The following GLS2 variants were observed in gnomAD, a reference collection of about 807,000 sequenced individuals.
The protein encoded by GLS2 is glutaminase liver isoform, mitochondrial.
GLS2 carries 52 observed loss-of-function variants against 79.0 expected under a neutral mutation model. The observed-to-expected ratio is 0.66, with a 90% confidence interval of 0.53 to 0.83. The LOEUF (loss-of-function observed/expected upper bound fraction) is 0.83, where lower values mean the gene tolerates loss of function less well. Ranked by LOEUF, GLS2 falls within the 40% of genes least tolerant of loss-of-function variation. The pLI is 0.00. For synonymous variants in GLS2, 238 were observed against 280.8 expected (o/e 0.85, Z 1.52); for missense variants, 561 against 764.8 (o/e 0.73, Z 3.14).
At position 56,471,429 on chromosome 12, in the gene GLS2, A is replaced by C; in HGVS notation, c.*58T>G. On this transcript the variant is annotated 3_prime_UTR_variant, in exon 18 of 18. Transcript: ENST00000311966. ...TCCATAGTATTTTTGGTGGTTATGG[A>C]TTACATGTGTGGCCAGCTCATGCTT... is the stretch of plus-strand genomic sequence containing the variant. 6.5e-7 allele frequency: 1 copy of C among 1,540,448 alleles called. No individual in the cohort carries two copies.
chr12:56,480,024 G>T, intron 2 of GLS2, 123 bp from the exon 3 acceptor site: 2 of 1,310,342 alleles, frequency 1.5e-6, no homozygotes. Flanking sequence ...GAACAAATGG[G>T]TTTGGAGAAT....
chr12:56,477,845 G>T, intron 6 of GLS2, 88 bp downstream of exon 6: 2 of 1,547,194 alleles, frequency 1.3e-6, no homozygotes, highest in African/African-American at 1.4e-5. Context: ...ATCAGGAAGG[G>T]CAGAGAAACA....
At chr12:56,481,877 G>A (rs1183405267) in intron 1 of GLS2, among the ~76,000 whole-genome samples, 1 of 149,442 alleles carries the variant, frequency 6.7e-6, no homozygotes, top group East Asian at 2.0e-4. Context: ...GGCAAAAAGA[G>A]CAAAACTCCA....
intron 3 of GLS2, 58 bp from the exon 4 acceptor site, chr12:56,479,239 T>TCC: frequency 6.3e-7 from 1 of 1,589,876 alleles, no homozygotes; most frequent in East Asian, 2.2e-5. Flanking sequence ...GGACTCACTC[T>TCC]GGAGCCACGG....
chr12:56,477,527 C>G (rs1592277551), intron 7 of GLS2, 133 bp downstream of exon 7: 2 of 838,662 alleles, frequency 2.4e-6, no homozygotes, highest in Non-Finnish European at 3.8e-6. Flanking sequence ...TGCTGTGCCT[C>G]ATGTGCCTTC....
rs1354895965 is a variant in GLS2 at position 56,471,446 on chromosome 12, C to G, written c.*41G>C. 2 of 1,576,268 alleles carry G rather than the reference C, an allele frequency of 1.3e-6. No homozygotes were observed. The highest frequency in any genetic ancestry group is 2.7e-5 in the African/African-American group (2 of 73,958). ...GGTTATGGATTACATGTGTGGCCAG[C>G]TCATGCTTTTTCTTGAGCAGGGGCT... On this transcript the variant is annotated 3_prime_UTR_variant, in exon 18 of 18. Transcript: ENST00000311966.
chr12:56,474,675 C>A lies in GLS2; in HGVS notation c.1093G>T (p.Ala365Ser), dbSNP rs777690858. ...VTCESGSVMA[A>S]TLANGGICPI... is the part of the protein sequence containing the mutation. ...CAGATCCCACCGTTGGCGAGGGTGGCTGCCATGACACTGCCTGATTCACAA... is the reference window on the plus strand; with the variant it reads ...CAGATCCCACCGTTGGCGAGGGTGGATGCCATGACACTGCCTGATTCACAA... Residue 365 changes from alanine to serine, a missense_variant, in exon 12 of 18, where the codon GCC becomes TCC. Transcript: ENST00000311966. 3.7e-6 allele frequency: 6 copies of A among 1,612,756 alleles called. No individual in the cohort carries two copies. The Admixed American group carries it at 1.0e-4, about 27-fold the overall frequency.
chr12:56,475,377 G>C, intron 9 of GLS2: 1 of 825,760 alleles, frequency 1.2e-6, no homozygotes, highest in South Asian at 1.8e-5. Context: ...TGAAAGTCTT[G>C]GCAAGAAAGG....
chr12:56,477,373 G>A (rs1869912881), intron 7 of GLS2: 2 of 273,596 alleles, frequency 7.3e-6, no homozygotes, highest in South Asian at 2.2e-4. Flanking sequence ...TCCTAGGCAG[G>A]GGTCAGGACC....
At chr12:56,472,317 T>G (rs547129521) in intron 15 of GLS2, 122 bp from the exon 16 acceptor site, 1 of 820,070 alleles carries the variant, frequency 1.2e-6, no homozygotes. Flanking sequence ...TAGCCAGATT[T>G]GTTGGCTCTG....
In GLS2 at chr12:56,473,469, G is replaced by T; in HGVS notation, c.1350C>A (p.Phe450Leu). ...TATATGCAAAGCATCTCACCTGGCA[G>T]AAGCTGGTCCCCCTATGGCTGTTCC... ...KLGNSHRGTS[F>L]CQKLVSLFNF... is the part of the protein sequence containing the mutation. The change falls in exon 13 of 18, where the codon TTC becomes TTA. Residue 450 changes from phenylalanine to leucine, a missense_variant. Physicochemically the swap from Phe to Leu is conservative, Grantham distance 22. This residue lies in a region of GLS2 where 136 missense variants were observed against 228.6 expected (regional missense o/e 0.59). Transcript: ENST00000311966. 1 of 1,611,260 alleles carries T rather than the reference G, an allele frequency of 6.2e-7. No individual in the cohort carries two copies. The highest frequency in any genetic ancestry group is 8.5e-7 in the Non-Finnish European group (1 of 1,178,312).
At chr12:56,475,299 A>G (rs1869707523) in intron 9 of GLS2, 189 bp from the exon 10 acceptor site, 1 of 1,439,092 alleles carries the variant, frequency 6.9e-7, no homozygotes, top group Admixed American at 2.2e-5. Flanking sequence ...GTTTTGTTAT[A>G]AAGTAAACCC....
rs1869946552 is a variant in GLS2, at chr12:56,477,734, C to T, written c.779-16G>A. 1 of 1,608,642 alleles carries T rather than the reference C, an allele frequency of 6.2e-7. No individual in the cohort carries two copies. Among genetic ancestry groups the T allele is most frequent in the African/African-American group, 1.3e-5 (1 of 74,628 alleles). On this transcript the variant is annotated splice_polypyrimidine_tract_variant and intron_variant, in intron 6 of 17. Transcript: ENST00000311966. The stretch of plus-strand genomic sequence containing the variant: ...TGGGGGATTCCTGGGGAAATACAAA[C>T]CACCAAGAGTCTTAGCCACTGAACA...
chr12:56,479,303 G>T, intron 3 of GLS2, 122 bp from the exon 4 acceptor site: 1 of 1,253,014 alleles, frequency 8.0e-7, no homozygotes, highest in Non-Finnish European at 1.1e-6. Flanking sequence ...CAACAGCTCT[G>T]TTACCTTTGG....
At chr12:56,474,934 C>T in intron 10 of GLS2, 38 bp from the exon 11 acceptor site, 3 of 1,614,000 alleles carry the variant, frequency 1.9e-6, no homozygotes, top group Non-Finnish European at 2.5e-6. Context: ...CTCTTCAGGA[C>T]ATCAGCCCTT....
intron 1 of GLS2, among the ~76,000 whole-genome samples, chr12:56,485,902 CGTA>C (rs935447351): frequency 4.7e-4 from 70 of 148,864 alleles, no homozygotes; most frequent in African/African-American, 1.5e-3. Context: ...ATTAGCCAGT[CGTA>C]GTGGTGGGTG....
intron 3 of GLS2, 165 bp from the exon 4 acceptor site, chr12:56,479,346 C>T (rs942005732): frequency 6.1e-5 from 46 of 759,670 alleles, no homozygotes; most frequent in Non-Finnish European, 8.1e-5. Flanking sequence ...TCTTAGTTTC[C>T]GTACCTCTAA....
Position 56,480,301 on chromosome 12 carries a change from T to C in GLS2, c.269A>G (p.His90Arg). 3 of 1,614,058 alleles carry C rather than the reference T, an allele frequency of 1.9e-6. No individual in the cohort carries two copies. The highest frequency in any genetic ancestry group is 1.1e-5 in the South Asian group (1 of 91,086). The change falls in exon 2 of 18, where the codon CAC becomes CGC. Residue 90 changes from histidine (H) to arginine (R), a missense_variant. Coordinates refer to ENST00000311966, the MANE Select transcript of GLS2 (RefSeq NM_013267.4). ...AGGGCAACTTACAGTGGTGAACTTG[T>C]GGATAGGGATTCGTTCCTGTCCTTC... ...IAEGQERIPI[H>R]KFTTALKATG...
Position 56,488,026 on chromosome 12 carries a change from GA to G in GLS2, c.92del (p.Leu31ProfsTer66). ...GGTGGTGCCGGACGCCCCCGCCAAG[GA>G]GGGGGCTCCGGCTCGGGTGACCCCA... is the stretch of plus-strand genomic sequence containing the variant. ...GGWGHPSRSP[L>X]LGGGVRHHLS... is the part of the protein sequence containing the mutation. On this transcript the variant is annotated frameshift_variant, in exon 1 of 18. Transcript: ENST00000311966. LOFTEE classifies it high-confidence loss of function. 6.3e-7 allele frequency: 1 copy of G among 1,596,848 alleles called. No individual in the cohort carries two copies. Among genetic ancestry groups the G allele is most frequent in the Non-Finnish European group, 8.5e-7 (1 of 1,177,960 alleles).
Sources: allele counts gnomAD v4.1 joint callset (sites outside exome capture counted in the v4.1 genomes callset), GRCh38; gene constraint gnomAD v4.1.1; regional missense constraint gnomAD v4.1.1; transcripts MANE v1.5; gene names NCBI Gene and HGNC (gene_info 2026-07-23, HGNC 2026-07-21).